TTC39B: variants seen among roughly 807,000 people sequenced by gnomAD.
TTC39B encodes the protein tetratricopeptide repeat protein 39B.
In TTC39B, 92 loss-of-function variants were observed where a neutral mutation model predicts 96.6. That is an observed-to-expected ratio of 0.95 (90% CI 0.80 to 1.13). The LOEUF (loss-of-function observed/expected upper bound fraction) is 1.13. TTC39B is among the 50% of genes most tolerant of loss of function. The pLI, the probability that TTC39B is intolerant of heterozygous loss-of-function variation, is 0.00. For synonymous variants in TTC39B, 367 were observed against 299.4 expected (o/e 1.23, Z -2.33); for missense variants, 955 against 809.3 (o/e 1.18, Z -2.18).
At chr9:15,198,254 C>T (rs1176325631) in intron 8 of TTC39B, among the ~76,000 whole-genome samples, 3 of 151,470 alleles carry the variant, frequency 2.0e-5, no homozygotes, top group Admixed American at 6.6e-5. Context: ...GTCAGGAGTT[C>T]GAGACCAGCC....
chr9:15,256,252 C>A (rs1180144669), intron 2 of TTC39B, among the ~76,000 whole-genome samples: 1 of 152,062 alleles, frequency 6.6e-6, no homozygotes, highest in Admixed American at 6.6e-5. Flanking sequence ...ACAAAGAAGG[C>A]ACCATCTATG....
intron 2 of TTC39B, among the ~76,000 whole-genome samples, chr9:15,262,499 C>A (rs1045165306): frequency 1.3e-5 from 2 of 152,078 alleles, no homozygotes; most frequent in South Asian, 4.2e-4. Context: ...TTTGTATGAC[C>A]TACCAGTTTT....
At chr9:15,220,575 A>T (rs1820787424) in intron 3 of TTC39B, among the ~76,000 whole-genome samples, 1 of 152,230 alleles carries the variant, frequency 6.6e-6, no homozygotes, top group Non-Finnish European at 1.5e-5. Flanking sequence ...AAATGCAAAT[A>T]CATAATGCAA....
At chr9:15,295,810 T>G (rs1368259549) in intron 1 of TTC39B, among the ~76,000 whole-genome samples, 1 of 152,166 alleles carries the variant, frequency 6.6e-6, no homozygotes, top group East Asian at 1.9e-4. Context: ...CTGGCCACTC[T>G]CTCAGAAACT....
chr9:15,233,362 G>T (rs374556558), intron 2 of TTC39B, among the ~76,000 whole-genome samples: 1 of 151,748 alleles, frequency 6.6e-6, no homozygotes, highest in Non-Finnish European at 1.5e-5. Context: ...CTCTCCCCAC[G>T]GTCTCCCTCT....
At chr9:15,225,111 T>C (rs1821050775) in intron 3 of TTC39B, among the ~76,000 whole-genome samples, 1 of 152,114 alleles carries the variant, frequency 6.6e-6, no homozygotes, top group African/African-American at 2.4e-5. Flanking sequence ...AAAGAGAGAA[T>C]CTGTTAATTC....
chr9:15,217,490 C>T (rs767389328), intron 3 of TTC39B, among the ~76,000 whole-genome samples: 20 of 152,196 alleles, frequency 1.3e-4, no homozygotes, highest in East Asian at 3.9e-4. Context: ...ATGATGCTCA[C>T]CTGGAATTAA....
chr9:15,211,254 G>T lies in TTC39B; in HGVS notation c.614+12C>A. 2.0e-6 allele frequency: 3 copies of T among 1,512,420 alleles called. No homozygotes were observed. Among genetic ancestry groups the T allele is most frequent in the South Asian group, 2.7e-5 (2 of 75,288 alleles). 93.7% of individuals were successfully genotyped at this position (1,512,420 alleles called of 1,614,324 possible). A position where few individuals can be genotyped will look rare whatever the true frequency, so the allele number is the denominator to read the frequency against. On this transcript the variant is annotated intron_variant, in intron 5 of 19. Coordinates refer to ENST00000512701, the Ensembl canonical transcript of TTC39B. ...TGCAGTCACATCTTAAGTATTTAAT[G>T]ACTCGTCATACTTTTGGCAGGTTTG...
At chr9:15,186,861 A>T in intron 15 of TTC39B, 83 bp downstream of exon 15, 1 of 1,274,532 alleles carries the variant, frequency 7.8e-7, no homozygotes, top group Non-Finnish European at 1.1e-6. Flanking sequence ...AGGCCCAGCT[A>T]ATTTTTTGTA....
chr9:15,282,913 A>C (rs1409815799), intron 1 of TTC39B, among the ~76,000 whole-genome samples: 1 of 152,226 alleles, frequency 6.6e-6, no homozygotes, highest in Non-Finnish European at 1.5e-5. Flanking sequence ...AAATTCAACA[A>C]ACTGAGCTAT....
intron 2 of TTC39B, among the ~76,000 whole-genome samples, chr9:15,241,895 AC>A (rs1207040535): frequency 6.6e-6 from 1 of 151,894 alleles, no homozygotes; most frequent in East Asian, 1.9e-4. Flanking sequence ...GGCACATGCC[AC>A]CACCACACCT....
intron 18 of TTC39B, among the ~76,000 whole-genome samples, chr9:15,176,883 G>A (rs1025347422): frequency 6.6e-6 from 1 of 152,136 alleles, no homozygotes; most frequent in African/African-American, 2.4e-5. Context: ...CCAGGCATCA[G>A]TACCCTGATT....
rs905465329 is a variant in TTC39B at position 15,290,590 on chromosome 9, G to C, written c.240+16494C>G. ...ACCCAGAGACAAATGCACGTTTGAC[G>C]TCTTCCTCTACTCTATGTTTACTTT... On this transcript the variant is annotated intron_variant, in intron 1 of 19. Transcript: ENST00000512701. Among the ~76,000 whole-genome samples, 3 of 152,316 alleles carry C rather than the reference G, an allele frequency of 2.0e-5. No homozygotes were observed. The East Asian group carries it at 5.8e-4, about 29-fold the overall frequency.
Position 15,166,993 on chromosome 9 carries a change from TATATATATATATATATATATATATATATA to T in TTC39B, c.*4997_*5025del, listed in dbSNP as rs1564299643. On this transcript the variant is annotated 3_prime_UTR_variant, in exon 20 of 20. Coordinates refer to ENST00000512701, the Ensembl canonical transcript of TTC39B. ...CACAAACCTTTATTTTATATATATA[TATATATATATATATATATATATATATATA>T]TATATATTTTTTTTTTTTTTTTTTT... The T allele has an allele frequency of 6.8e-3, 35 of 5,134 alleles. 3 individuals carry two copies. Among genetic ancestry groups the T allele is most frequent in the African/African-American group, 0.027 (33 of 1,244 alleles). 0.3% of individuals were successfully genotyped at this position (5,134 alleles called of 1,614,324 possible).
intron 2 of TTC39B, chr9:15,232,369 G>C (rs1034206206): frequency 6.6e-6 from 1 of 152,558 alleles, no homozygotes; most frequent in African/African-American, 2.4e-5. Context: ...CGGGAGGTGG[G>C]GGGGACGCCC....
intron 2 of TTC39B, among the ~76,000 whole-genome samples, chr9:15,246,800 T>A (rs1822299803): frequency 6.6e-6 from 1 of 152,270 alleles, no homozygotes; most frequent in Non-Finnish European, 1.5e-5. Context: ...CAATGGCTCC[T>A]CCAGCTCCAG....
At chr9:15,270,877 T>C (rs9632874) in intron 1 of TTC39B, among the ~76,000 whole-genome samples, 17,498 of 152,140 alleles carry the variant, frequency 0.12, 1,510 homozygotes, top group African/African-American at 0.24. Context: ...GGTGGAAGTG[T>C]CTTAATTTTA....
chr9:15,219,399 C>T (rs1459429204), intron 3 of TTC39B, among the ~76,000 whole-genome samples: 2 of 152,162 alleles, frequency 1.3e-5, no homozygotes, highest in Non-Finnish European at 2.9e-5. Context: ...GCACTTTGCT[C>T]ATAATCTGAT....
chr9:15,227,008 T>G (rs554332928), intron 2 of TTC39B, among the ~76,000 whole-genome samples: 1 of 152,282 alleles, frequency 6.6e-6, no homozygotes, highest in East Asian at 1.9e-4. Context: ...GTTTTTGTTT[T>G]TTAATTCTAA....
Sources: allele counts gnomAD v4.1 joint callset (sites outside exome capture counted in the v4.1 genomes callset), GRCh38; gene constraint gnomAD v4.1.1; transcripts MANE v1.5; gene names NCBI Gene and HGNC (gene_info 2026-07-23, HGNC 2026-07-21).